METAP1D: variants seen among roughly 807,000 people sequenced by gnomAD.
METAP1D encodes the protein methionine aminopeptidase 1D, mitochondrial.
Under a neutral mutation model 40.5 loss-of-function variants are expected in METAP1D, and 31 were observed. That is an observed-to-expected ratio of 0.77 (90% CI 0.58 to 1.03). METAP1D has a LOEUF of 1.03. Among genes scored for constraint, METAP1D ranks in the 50% least tolerant of loss-of-function variants. The pLI is 0.00. For missense variants in METAP1D, 411 were observed against 420.7 expected, an observed-to-expected ratio of 0.98 and a Z score of 0.20; for synonymous variants, 151 against 146.4, an observed-to-expected ratio of 1.03 and a Z score of -0.22.
intron 1 of METAP1D, among the ~76,000 whole-genome samples, chr2:172,002,079 C>T (rs185193006): frequency 1.5e-4 from 22 of 150,614 alleles, no homozygotes; most frequent in Admixed American, 6.0e-4. Context: ...GGTTCCAGTC[C>T]AAACTTTCTT....
rs917240651 is a variant in METAP1D at position 172,081,567 on chromosome 2, T to G, written c.*1161T>G. ...GGAGCACCCTCCTTTCCCTTGCGCT[T>G]GCTCTCCGGTACCTGTTCCTCACCT... is the stretch of plus-strand genomic sequence containing the variant. On this transcript the variant is annotated 3_prime_UTR_variant, in exon 10 of 10. Transcript: ENST00000315796. 2.0e-5 allele frequency: 3 copies of G among 152,242 alleles called. No individual in the cohort carries two copies. Among genetic ancestry groups the G allele is most frequent in the African/African-American group, 4.8e-5 (2 of 41,454 alleles). 9.4% of individuals were successfully genotyped at this position (152,242 alleles called of 1,614,324 possible).
At chr2:172,022,276 A>G in intron 1 of METAP1D, among the ~76,000 whole-genome samples, 1 of 152,066 alleles carries the variant, frequency 6.6e-6, no homozygotes, top group East Asian at 1.9e-4. Flanking sequence ...CGGCATTCAC[A>G]TTTGCTCTGT....
In METAP1D at chr2:172,012,781, T is replaced by C. The variant is rs1330457442; in HGVS notation, c.40+12772T>C. 2.0e-5 allele frequency among the ~76,000 whole-genome samples: 3 copies of C among 152,204 alleles called. No homozygotes were observed. The East Asian group carries it at 5.8e-4, about 29-fold the overall frequency. ...GAGATTCATACTGCTTATGCTTAAATGTTGATGACTTCCTGCATGCATATT... is the reference window on the plus strand; with the variant it reads ...GAGATTCATACTGCTTATGCTTAAACGTTGATGACTTCCTGCATGCATATT... On this transcript the variant is annotated intron_variant, in intron 1 of 9. Transcript: ENST00000315796.
chr2:172,059,608 G>A (rs1690086747), intron 1 of METAP1D, among the ~76,000 whole-genome samples: 1 of 152,028 alleles, frequency 6.6e-6, no homozygotes, highest in African/African-American at 2.4e-5. Flanking sequence ...ACAAAATATT[G>A]GGTTAAAAAG....
At chr2:172,029,315 T>C (rs749733227) in intron 1 of METAP1D, among the ~76,000 whole-genome samples, 2 of 152,090 alleles carry the variant, frequency 1.3e-5, no homozygotes, top group African/African-American at 4.8e-5. Context: ...CCCAGCTACT[T>C]TGAAGGCTGA....
intron 1 of METAP1D, among the ~76,000 whole-genome samples, chr2:172,060,465 C>T (rs1690114478): frequency 6.6e-6 from 1 of 151,578 alleles, no homozygotes. Flanking sequence ...TAGCCCCAAC[C>T]ACAAGCCACA....
rs1234079243 is a variant in METAP1D at position 172,062,617 on chromosome 2, T to C, written c.198+962T>C. Among the ~76,000 whole-genome samples, 4 of 152,036 alleles carry C rather than the reference T, an allele frequency of 2.6e-5. No homozygotes were observed. In the East Asian group the frequency reaches 7.7e-4, roughly 29 times the overall value. The stretch of plus-strand genomic sequence containing the variant: ...GCAGAGTGGAGACAAGAACACAGGC[T>C]CTTTGGGGGAGACCTGGTGAGCATT... On this transcript the variant is annotated intron_variant, in intron 2 of 9. Transcript: ENST00000315796.
chr2:172,047,525 C>T (rs1314488456), intron 1 of METAP1D, among the ~76,000 whole-genome samples: 1 of 152,094 alleles, frequency 6.6e-6, no homozygotes, highest in Non-Finnish European at 1.5e-5. Flanking sequence ...CCTCAGCCTC[C>T]TGGGCTCAAG....
chr2:172,003,788 A>G (rs1158413010), intron 1 of METAP1D, among the ~76,000 whole-genome samples: 2 of 151,888 alleles, frequency 1.3e-5, no homozygotes, highest in Admixed American at 1.3e-4. Flanking sequence ...TTTTTGAGAC[A>G]GAGTCTCGCC....
At chr2:172,041,354 G>C (rs1432711440) in intron 1 of METAP1D, among the ~76,000 whole-genome samples, 2 of 109,144 alleles carry the variant, frequency 1.8e-5, no homozygotes, top group African/African-American at 5.6e-5. Context: ...AGCTACGTGG[G>C]AGGCTGAGGC....
chr2:172,027,884 A>G (rs1689153637), intron 1 of METAP1D, among the ~76,000 whole-genome samples: 1 of 152,232 alleles, frequency 6.6e-6, no homozygotes, highest in South Asian at 2.1e-4. Flanking sequence ...CTCTGAAAGA[A>G]GAAAATTCAG....
chr2:172,062,871 T>C (rs1690170351), intron 2 of METAP1D, among the ~76,000 whole-genome samples: 1 of 152,254 alleles, frequency 6.6e-6, no homozygotes, highest in African/African-American at 2.4e-5. Context: ...CTCAGCTTCC[T>C]GTCCCAAACT....
rs1176046510 is a variant in METAP1D, at chr2:172,081,144, C to T, written c.*738C>T. ...CACATCCAGCCCTCCAAGGCCAGTC[C>T]AGAGGTGAAGTTTGAGGCCCTCCCC... On this transcript the variant is annotated 3_prime_UTR_variant, in exon 10 of 10. Transcript: ENST00000315796. 6 of 153,152 alleles carry T rather than the reference C, an allele frequency of 3.9e-5. No homozygotes were observed. Among genetic ancestry groups the T allele is most frequent in the African/African-American group, 1.4e-4 (6 of 41,570 alleles). 9.5% of individuals were successfully genotyped at this position (153,152 alleles called of 1,614,324 possible).
intron 6 of METAP1D, 56 bp from the exon 7 acceptor site, chr2:172,077,741 A>G: frequency 2.5e-6 from 2 of 796,470 alleles, no homozygotes; most frequent in South Asian, 1.9e-5. Context: ...GTTTTATCTT[A>G]GTATGCCTGA....
chr2:172,068,085 G>A (rs1237472427), intron 5 of METAP1D, among the ~76,000 whole-genome samples: 2 of 152,116 alleles, frequency 1.3e-5, no homozygotes, highest in Non-Finnish European at 2.9e-5. Flanking sequence ...ATAAATATTT[G>A]TTAAATGAAG....
Position 172,021,609 on chromosome 2 carries a change from G to A in METAP1D, c.40+21600G>A, listed in dbSNP as rs935616908. Among the ~76,000 whole-genome samples, 27 of 152,198 alleles carry A rather than the reference G, an allele frequency of 1.8e-4. 1 individual carries two copies. Among genetic ancestry groups the A allele is most frequent in the Non-Finnish European group, 2.9e-5 (2 of 68,026 alleles). On this transcript the variant is annotated intron_variant, in intron 1 of 9. Coordinates refer to ENST00000315796, the MANE Select transcript of METAP1D (RefSeq NM_199227.3). The stretch of plus-strand genomic sequence containing the variant: ...ACACAAAGGTACTTTTAAATGAAGA[G>A]TCATTTTTAGAGCAATTAGAGAAAA...
At chr2:172,063,677 T>A in intron 2 of METAP1D, 34 bp from the exon 3 acceptor site, 7 of 1,543,572 alleles carry the variant, frequency 4.5e-6, no homozygotes, top group Non-Finnish European at 6.3e-6. Context: ...GTGCGCTGGG[T>A]TCTGATCTTC....
intron 1 of METAP1D, among the ~76,000 whole-genome samples, chr2:172,042,198 CATATACATATGTAT>C (rs1164546030): frequency 1.1e-4 from 2 of 18,328 alleles, no homozygotes; most frequent in South Asian, 2.6e-3. Context: ...CATGTGTACA[CATATACATATGTAT>C]GTGTACATGT....
intron 1 of METAP1D, among the ~76,000 whole-genome samples, chr2:172,017,558 A>C (rs138335053): frequency 1.1e-4 from 17 of 152,142 alleles, no homozygotes; most frequent in African/African-American, 3.9e-4. Flanking sequence ...TAACAAAATT[A>C]CCAGACATGA....
Sources: allele counts gnomAD v4.1 joint callset (sites outside exome capture counted in the v4.1 genomes callset), GRCh38; gene constraint gnomAD v4.1.1; transcripts MANE v1.5; gene names NCBI Gene and HGNC (gene_info 2026-07-23, HGNC 2026-07-21).